DDX25: variants seen among roughly 807,000 people sequenced by gnomAD.
The protein encoded by DDX25 is DEAD-box helicase 25.
In DDX25, 70 loss-of-function variants were observed where a neutral mutation model predicts 64.6. The ratio of observed to expected loss-of-function variants is 1.08; its 90% CI spans 0.89 to 1.32. DDX25 has a LOEUF of 1.32. DDX25 is among the 40% of genes most tolerant of loss of function. The pLI, the probability that DDX25 is intolerant of heterozygous loss-of-function variation, is 0.00. For missense variants in DDX25, 587 were observed against 604.4 expected, an observed-to-expected ratio of 0.97 and a Z score of 0.30; for synonymous variants, 211 against 213.3, an observed-to-expected ratio of 0.99 and a Z score of 0.09.
intron 4 of DDX25, among the ~76,000 whole-genome samples, chr11:125,907,373 C>T (rs556779471): frequency 2.6e-5 from 4 of 151,986 alleles, no homozygotes; most frequent in South Asian, 4.2e-4. Context: ...CTTTGGGAGG[C>T]CAAGGGGGGC....
chr11:125,913,383 G>C (rs892116404), intron 8 of DDX25, among the ~76,000 whole-genome samples: 3 of 151,800 alleles, frequency 2.0e-5, no homozygotes, highest in Non-Finnish European at 4.4e-5. Context: ...CAATATAAAA[G>C]AGATTCATTT....
chr11:125,920,913 C>CAT, intron 10 of DDX25: 1 of 238,480 alleles, frequency 4.2e-6, no homozygotes, highest in East Asian at 6.7e-5. Flanking sequence ...CCACCACACA[C>CAT]ACACATACAC....
intron 9 of DDX25, 74 bp from the exon 10 acceptor site, chr11:125,918,554 A>G (rs919444154): frequency 1.3e-5 from 19 of 1,473,300 alleles, no homozygotes; most frequent in Admixed American, 2.0e-5. Flanking sequence ...CCCTGCATGC[A>G]TGGTGTCACA....
At chr11:125,922,756 G>A (rs995654082) in intron 11 of DDX25, 64 bp from the exon 12 acceptor site, 2 of 1,411,002 alleles carry the variant, frequency 1.4e-6, no homozygotes, top group East Asian at 2.4e-5. Context: ...CAGAAATATG[G>A]ATGGAATGAA....
chr11:125,928,538 G>C lies in DDX25; in HGVS notation c.*5657G>C, dbSNP rs1945186743. Reference sequence around the variant, plus strand: ...TAACAGCATTTAACAGATTTTGTTAGAGCTACATTGCATTCAGTAGACTGG... The same window carrying C: ...TAACAGCATTTAACAGATTTTGTTACAGCTACATTGCATTCAGTAGACTGG... On this transcript the variant is annotated 3_prime_UTR_variant, in exon 12 of 12. Transcript: ENST00000263576. 6.6e-6 allele frequency: 1 copy of C among 152,212 alleles called. No individual in the cohort carries two copies. Among genetic ancestry groups the C allele is most frequent in the Non-Finnish European group, 1.5e-5 (1 of 68,036 alleles). 9.4% of individuals were successfully genotyped at this position (152,212 alleles called of 1,614,324 possible).
chr11:125,908,351 C>A (rs1944923072), intron 5 of DDX25, 50 bp from the exon 6 acceptor site: 1 of 1,612,280 alleles, frequency 6.2e-7, no homozygotes, highest in Non-Finnish European at 8.5e-7. Context: ...TCAGTTTATG[C>A]CCACTCTCTT....
In DDX25 at chr11:125,911,358, G is replaced by A; in HGVS notation, c.670G>A (p.Gly224Arg). 6.2e-7 allele frequency: 1 copy of A among 1,613,676 alleles called. No individual in the cohort carries two copies. Among genetic ancestry groups the A allele is most frequent in the Non-Finnish European group, 8.5e-7 (1 of 1,179,760 alleles). ...ITKQIIIGTPGTVLDWCFKLK... is the reference protein window; with the variant it reads ...ITKQIIIGTPRTVLDWCFKLK... ...TAAACAGATTATAATTGGCACTCCT[G>A]GGACTGTCCTAGATTGGTGTTTTAA... The change falls in exon 8 of 12, where the codon GGG (glycine) becomes AGG (arginine). Residue 224 changes from glycine to arginine, a missense_variant. Gly to Arg is a moderately radical substitution (Grantham distance 125). Coordinates refer to ENST00000263576, the MANE Select transcript of DDX25 (RefSeq NM_013264.5).
At chr11:125,919,147 T>C (rs1346366288) in intron 10 of DDX25, among the ~76,000 whole-genome samples, 1 of 152,216 alleles carries the variant, frequency 6.6e-6, no homozygotes, top group Non-Finnish European at 1.5e-5. Flanking sequence ...TTCATTTCCT[T>C]TTCATTGCTG....
chr11:125,915,435 T>C (rs570119410), intron 8 of DDX25, among the ~76,000 whole-genome samples: 1 of 152,372 alleles, frequency 6.6e-6, no homozygotes, highest in East Asian at 1.9e-4. Context: ...TCTTTTTTCA[T>C]ACTAAGTCTT....
At chr11:125,906,668 A>G (rs1242397797) in intron 4 of DDX25, among the ~76,000 whole-genome samples, 3 of 151,936 alleles carry the variant, frequency 2.0e-5, no homozygotes, top group African/African-American at 7.2e-5. Context: ...TCCACTAAAA[A>G]TACAAAAAGT....
At chr11:125,915,823 T>A (rs776353390) in intron 8 of DDX25, among the ~76,000 whole-genome samples, 14 of 152,246 alleles carry the variant, frequency 9.2e-5, no homozygotes, top group Non-Finnish European at 1.5e-5. Context: ...TTTCATCAAC[T>A]CTGTGTTCTG....
chr11:125,905,461 G>T, intron 2 of DDX25, 92 bp from the exon 3 acceptor site: 1 of 1,400,202 alleles, frequency 7.1e-7, no homozygotes, highest in South Asian at 1.3e-5. Context: ...AGTAGACACT[G>T]AAGAGTCAGG....
At chr11:125,904,789 G>A in intron 1 of DDX25, 1 of 637,880 alleles carries the variant, frequency 1.6e-6, no homozygotes, top group East Asian at 3.0e-5. Flanking sequence ...GGTTAGAAAG[G>A]GCAAAAATGA....
At chr11:125,922,759 G>A (rs1945130206) in intron 11 of DDX25, 61 bp from the exon 12 acceptor site, 3 of 1,443,202 alleles carry the variant, frequency 2.1e-6, no homozygotes, top group South Asian at 1.3e-5. Context: ...AAATATGGAT[G>A]GAATGAAGTT....
chr11:125,905,062 T>C, intron 1 of DDX25, 150 bp from the exon 2 acceptor site: 1 of 686,886 alleles, frequency 1.5e-6, no homozygotes, highest in Non-Finnish European at 2.5e-6. Context: ...AAACCCAACC[T>C]TGAAAGGAAT....
At position 125,908,385 on chromosome 11, in the gene DDX25, C is replaced by G; in HGVS notation, c.405-16C>G. 1 of 1,613,892 alleles carries G rather than the reference C, an allele frequency of 6.2e-7. No individual in the cohort carries two copies. The highest frequency in any genetic ancestry group is 2.2e-5 in the East Asian group (1 of 44,878). On this transcript the variant is annotated splice_polypyrimidine_tract_variant and intron_variant, in intron 5 of 11. Coordinates refer to ENST00000263576, the MANE Select transcript of DDX25 (RefSeq NM_013264.5). ...TTGTATTCAGTTTATGCCCAGTGGTCTTCTCTTTTCTACAGACCCCAGAAC... is the reference window on the plus strand; with the variant it reads ...TTGTATTCAGTTTATGCCCAGTGGTGTTCTCTTTTCTACAGACCCCAGAAC...
chr11:125,917,758 A>G (rs1479735919), intron 9 of DDX25, among the ~76,000 whole-genome samples: 3 of 152,176 alleles, frequency 2.0e-5, no homozygotes, highest in Non-Finnish European at 4.4e-5. Context: ...ACAGCACCAA[A>G]AACATATGTG....
chr11:125,916,976 A>T (rs1162735946), intron 8 of DDX25, 38 bp from the exon 9 acceptor site: 2 of 1,546,578 alleles, frequency 1.3e-6, no homozygotes, highest in South Asian at 2.4e-5. Flanking sequence ...GAGTGATGGG[A>T]TGGCAGCTTG....
At chr11:125,908,048 A>T (rs1454853135) in intron 4 of DDX25, 148 bp from the exon 5 acceptor site, 1 of 643,488 alleles carries the variant, frequency 1.6e-6, no homozygotes, top group Non-Finnish European at 2.7e-6. Flanking sequence ...TATGTTTGGA[A>T]GTTGAGGTAT....
Sources: allele counts gnomAD v4.1 joint callset (sites outside exome capture counted in the v4.1 genomes callset), GRCh38; gene constraint gnomAD v4.1.1; transcripts MANE v1.5; gene names NCBI Gene and HGNC (gene_info 2026-07-23, HGNC 2026-07-21).